NSMAF: variants seen among roughly 807,000 people sequenced by gnomAD.
NSMAF encodes the protein neutral sphingomyelinase activation associated factor.
A neutral mutation model predicts 134.9 loss-of-function variants in NSMAF; 90 were observed. The ratio of observed to expected loss-of-function variants is 0.67; its 90% CI spans 0.56 to 0.79. NSMAF has a LOEUF of 0.79. Ranked by LOEUF, NSMAF falls within the 30% of genes least tolerant of loss-of-function variation. The pLI is 0.00. For missense variants in NSMAF, 1,010 were observed against 1,119.0 expected, an observed-to-expected ratio of 0.90 and a Z score of 1.39; for synonymous variants, 358 against 389.6, an observed-to-expected ratio of 0.92 and a Z score of 0.96.
chr8:58,659,339 C>T (rs760070801), intron 1 of NSMAF: 7 of 1,527,462 alleles, frequency 4.6e-6, no homozygotes, highest in Middle Eastern at 3.5e-4. Flanking sequence ...TCTGGCCTGG[C>T]CCGTCATCCA....
chr8:58,588,433 G>A, intron 26 of NSMAF: 4 of 1,243,436 alleles, frequency 3.2e-6, no homozygotes, highest in Non-Finnish European at 4.7e-6. Flanking sequence ...GGGCTTTGGT[G>A]GGGGACGTGG....
At chr8:58,613,857 T>C (rs991715147) in intron 9 of NSMAF, among the ~76,000 whole-genome samples, 1 of 152,226 alleles carries the variant, frequency 6.6e-6, no homozygotes, top group African/African-American at 2.4e-5. Context: ...AAATCTGAAA[T>C]CTGAACTGCT....
chr8:58,654,252 T>A (rs954053753), intron 1 of NSMAF, among the ~76,000 whole-genome samples: 2 of 152,242 alleles, frequency 1.3e-5, no homozygotes, highest in African/African-American at 4.8e-5. Context: ...TGCCAAGTGC[T>A]TTTTATAAAA....
At chr8:58,658,070 TATTGGCACGA>T (rs1395038990) in intron 1 of NSMAF, among the ~76,000 whole-genome samples, 7 of 151,926 alleles carry the variant, frequency 4.6e-5, no homozygotes, top group African/African-American at 1.7e-4. Flanking sequence ...CCAATATGAG[TATTGGCACGA>T]ATGACTCATA....
chr8:58,602,145 CATAAATCAATAA>C lies in NSMAF; in HGVS notation c.1046-20_1046-9del. 1 of 1,605,070 alleles carries C rather than the reference CATAAATCAATAA, an allele frequency of 6.2e-7. No individual in the cohort carries two copies. Among genetic ancestry groups the C allele is most frequent in the Non-Finnish European group, 8.5e-7 (1 of 1,172,316 alleles). ...TTCCTGGATTTGACAAATCTATAAA[CATAAATCAATAA>C]ATAACTTCAGCTTATACTTAGTACC... On this transcript the variant is annotated splice_polypyrimidine_tract_variant and intron_variant, in intron 13 of 30. Transcript: ENST00000038176.
intron 23 of NSMAF, among the ~76,000 whole-genome samples, chr8:58,591,381 T>C (rs1806018923): frequency 6.6e-6 from 1 of 151,902 alleles, no homozygotes; most frequent in African/African-American, 2.4e-5. Flanking sequence ...ACCCTTGCAC[T>C]GAACATTAGT....
chr8:58,602,346 A>G (rs1306304536), intron 13 of NSMAF, among the ~76,000 whole-genome samples: 2 of 152,200 alleles, frequency 1.3e-5, no homozygotes, highest in African/African-American at 2.4e-5. Flanking sequence ...CTTAAGAGCA[A>G]TATCTCTAAT....
Position 58,643,044 on chromosome 8 carries a change from T to C in NSMAF, c.89A>G (p.Glu30Gly). ...GGCTCTATGCTGTTCAAAGTAGTACTCCTCCAAGTTAAGCAGCAGCAAGGA... is the reference window on the plus strand; with the variant it reads ...GGCTCTATGCTGTTCAAAGTAGTACCCCTCCAAGTTAAGCAGCAGCAAGGA... ...RFSLLLLNLE[E>G]YYFEQHRANH... is the part of the protein sequence containing the mutation. The change falls in exon 2 of 31, where the codon GAG becomes GGG. Residue 30 changes from glutamate (E) to glycine (G), a missense_variant. Coordinates refer to ENST00000038176, the MANE Select transcript of NSMAF (RefSeq NM_003580.4). 6.2e-7 allele frequency: 1 copy of C among 1,614,062 alleles called. No individual in the cohort carries two copies. The highest frequency in any genetic ancestry group is 8.5e-7 in the Non-Finnish European group (1 of 1,179,974).
Position 58,603,368 on chromosome 8 carries a change from T to A in NSMAF, c.887A>T (p.His296Leu), listed in dbSNP as rs762411455. The part of the protein sequence containing the change: ...ATYLEHHVAE[H>L]TAESYMLQWQ... ...CTGCAGCATGTAGCTCTCAGCAGTG[T>A]GCTCCGCCACATGGTGCTCTGGGGG... The change falls in exon 13 of 31, where the codon CAC (histidine) becomes CTC (leucine). Residue 296 changes from histidine to leucine, a missense_variant. Coordinates refer to ENST00000038176, the MANE Select transcript of NSMAF (RefSeq NM_003580.4). 1 of 1,613,922 alleles carries A rather than the reference T, an allele frequency of 6.2e-7. No individual in the cohort carries two copies. The highest frequency in any genetic ancestry group is 2.2e-5 in the East Asian group (1 of 44,880).
intron 2 of NSMAF, among the ~76,000 whole-genome samples, chr8:58,639,164 C>T (rs751376238): frequency 6.6e-6 from 1 of 151,894 alleles, no homozygotes; most frequent in African/African-American, 2.4e-5. Flanking sequence ...ACGTGCTGTA[C>T]GCCCAGCTAC....
chr8:58,595,650 G>C lies in NSMAF; in HGVS notation c.1802C>G (p.Ser601Cys). The C allele has an allele frequency of 6.2e-7, 1 of 1,612,210 alleles. No individual in the cohort carries two copies. The highest frequency in any genetic ancestry group is 2.2e-5 in the East Asian group (1 of 44,828). The change falls in exon 22 of 31, where the codon TCT (serine) becomes TGT (cysteine). Residue 601 changes from serine to cysteine, a missense_variant. Coordinates refer to ENST00000038176, the MANE Select transcript of NSMAF (RefSeq NM_003580.4). Reference protein sequence around the residue: ...ASMADSPGEESFEDLTEESKT... With the variant: ...ASMADSPGEECFEDLTEESKT... ...GCTTTCTTCGGTCAGGTCTTCAAAA[G>C]ACTCTTCACCTGGAGAGACGACATT...
intron 9 of NSMAF, among the ~76,000 whole-genome samples, chr8:58,620,150 G>T (rs1419908024): frequency 6.6e-6 from 1 of 152,154 alleles, no homozygotes; most frequent in Non-Finnish European, 1.5e-5. Flanking sequence ...TAGAACAGGA[G>T]AAGTGTACTC....
chr8:58,651,010 G>A (rs1324134414), intron 1 of NSMAF, among the ~76,000 whole-genome samples: 1 of 152,076 alleles, frequency 6.6e-6, no homozygotes, highest in Non-Finnish European at 1.5e-5. Context: ...TGTTCTCTGG[G>A]ATTTTTTCCT....
intron 1 of NSMAF, among the ~76,000 whole-genome samples, chr8:58,649,754 C>T (rs1051191893): frequency 1.3e-5 from 2 of 152,172 alleles, no homozygotes; most frequent in African/African-American, 4.8e-5. Flanking sequence ...TGTACCTGCT[C>T]CCACTTCACC....
chr8:58,640,558 A>ATTCC (rs1481762001), intron 2 of NSMAF, among the ~76,000 whole-genome samples: 8 of 152,176 alleles, frequency 5.3e-5, no homozygotes, highest in Non-Finnish European at 1.2e-4. Context: ...GCAACTGGAA[A>ATTCC]AGTTTACAAT....
Position 58,635,504 on chromosome 8 carries a change from A to G in NSMAF, c.192T>C (p.Ile64=). The G allele has an allele frequency of 6.2e-7, 1 of 1,607,408 alleles. No homozygotes were observed. The highest frequency in any genetic ancestry group is 1.1e-5 in the South Asian group (1 of 89,240). Residue 64 remains isoleucine (I), a synonymous_variant, in exon 3 of 31, where the codon ATT becomes ATC. Coordinates refer to ENST00000038176, the MANE Select transcript of NSMAF (RefSeq NM_003580.4). ...GCTGGGATATTGAATCTGGTTCAAA[A>G]ATCACCGATTTTGAACATATTTTTA... The part of the protein sequence containing the change: ...GSLKICSKSV[I]FEPDSISQPI...
intron 6 of NSMAF, among the ~76,000 whole-genome samples, chr8:58,626,303 C>T (rs1413318398): frequency 6.6e-6 from 1 of 152,126 alleles, no homozygotes; most frequent in Admixed American, 6.5e-5. Context: ...ACAGTGTTAA[C>T]CAGGATGGTC....
intron 1 of NSMAF, among the ~76,000 whole-genome samples, chr8:58,649,494 G>T: frequency 6.6e-6 from 1 of 152,138 alleles, no homozygotes; most frequent in East Asian, 1.9e-4. Context: ...GGGGCCAGGG[G>T]CAGAATGATA....
chr8:58,595,729 A>G lies in NSMAF; in HGVS notation c.1793-70T>C. 4 of 895,368 alleles carry G rather than the reference A, an allele frequency of 4.5e-6. No homozygotes were observed. The South Asian group carries it at 5.4e-5, about 12-fold the overall frequency. The allele number at this position is 895,368 out of a possible 1,614,324, so 55.5% of individuals were successfully genotyped here. A position where few individuals can be genotyped will look rare whatever the true frequency, so the allele number is the denominator to read the frequency against. ...AACAGACAACAGCATCAGATTAACAATATTTTCTATTAAAATCAAACAACT... is the reference window on the plus strand; with the variant it reads ...AACAGACAACAGCATCAGATTAACAGTATTTTCTATTAAAATCAAACAACT... On this transcript the variant is annotated intron_variant, in intron 21 of 30. Transcript: ENST00000038176.
Sources: gnomAD v4.1 joint callset for allele counts (sites outside exome capture counted in the v4.1 genomes callset) on GRCh38, gnomAD v4.1.1 for gene constraint, MANE v1.5 for transcripts, NCBI Gene and HGNC (gene_info 2026-07-23, HGNC 2026-07-21) for gene names.